ME2: variants seen among roughly 807,000 people sequenced by gnomAD.
ME2 encodes NAD-dependent malic enzyme, mitochondrial.
A neutral mutation model predicts 73.7 loss-of-function variants in ME2; 60 were observed. The ratio of observed to expected loss-of-function variants is 0.81; its 90% CI spans 0.66 to 1.01. ME2 has a LOEUF of 1.01. ME2 is among the 50% of genes least tolerant of loss of function. The probability of loss-of-function intolerance (pLI) is 0.00; values close to 1 mark genes in which losing one functional copy is unlikely to be tolerated. For synonymous variants in ME2, 199 were observed against 236.9 expected (o/e 0.84, Z 1.47); for missense variants, 594 against 705.5 (o/e 0.84, Z 1.79).
chr18:50,885,913 A>C (rs1916451386), intron 1 of ME2, among the ~76,000 whole-genome samples: 1 of 152,164 alleles, frequency 6.6e-6, no homozygotes, highest in Non-Finnish European at 1.5e-5. Flanking sequence ...AAATAGCCTG[A>C]AAAATCTTGC....
chr18:50,928,241 CT>C (rs770494781), intron 12 of ME2, among the ~76,000 whole-genome samples: 19 of 143,160 alleles, frequency 1.3e-4, no homozygotes, highest in South Asian at 2.3e-4. Context: ...CTAATTTGTC[CT>C]TTTTTTTTTC....
chr18:50,902,207 T>A (rs1464228231), intron 2 of ME2, among the ~76,000 whole-genome samples: 2 of 152,190 alleles, frequency 1.3e-5, no homozygotes, highest in Non-Finnish European at 2.9e-5. Flanking sequence ...TCCCTAAGAT[T>A]TAAGGACATG....
intron 1 of ME2, among the ~76,000 whole-genome samples, chr18:50,885,151 A>C (rs1212879516): frequency 2.0e-5 from 3 of 152,156 alleles, no homozygotes; most frequent in Non-Finnish European, 4.4e-5. Context: ...CCACCACGCC[A>C]GGCCCAAAGT....
chr18:50,921,295 T>C (rs1462663324), intron 10 of ME2, 108 bp downstream of exon 10: 4 of 561,760 alleles, frequency 7.1e-6, no homozygotes, highest in Admixed American at 3.8e-5. Context: ...CTCCAAATTA[T>C]ACCAATTGGG....
chr18:50,910,252 T>G (rs1274528649), intron 3 of ME2, among the ~76,000 whole-genome samples: 4 of 73,380 alleles, frequency 5.5e-5, no homozygotes, highest in Admixed American at 3.9e-4. Context: ...GGCAACAGAG[T>G]GGGACCCTGT....
At chr18:50,917,308 T>C in intron 5 of ME2, 39 bp from the exon 6 acceptor site, 3 of 1,562,332 alleles carry the variant, frequency 1.9e-6, no homozygotes, top group Non-Finnish European at 2.6e-6. Context: ...TAGTGCCCCA[T>C]TTTTGACAAC....
At chr18:50,890,273 ATT>A (rs572620839) in intron 1 of ME2, among the ~76,000 whole-genome samples, 1,662 of 152,074 alleles carry the variant, frequency 0.011, 38 homozygotes, top group African/African-American at 0.036. Flanking sequence ...TATTATTATT[ATT>A]TTCTTTTTTT....
Position 50,925,836 on chromosome 18 carries a change from G to A in ME2, c.1252G>A (p.Ala418Thr). 6.2e-7 allele frequency: 1 copy of A among 1,612,532 alleles called. No individual in the cohort carries two copies. Among genetic ancestry groups the A allele is most frequent in the Non-Finnish European group, 8.5e-7 (1 of 1,178,606 alleles). ...TATCAATGAAAGGCCTGTAATATTT[G>A]CATTAAGTAATCCTACAGCACAGGC... Reference protein sequence around the residue: ...ASINERPVIFALSNPTAQAEC... With the variant: ...ASINERPVIFTLSNPTAQAEC... The change falls in exon 12 of 16, where the codon GCA (alanine) becomes ACA (threonine). Residue 418 changes from alanine to threonine, a missense_variant. By Grantham distance (58) the Ala-to-Thr change is moderately conservative. Coordinates refer to ENST00000321341, the MANE Select transcript of ME2 (RefSeq NM_002396.5).
At position 50,920,492 on chromosome 18, in the gene ME2, T is replaced by C. The variant is rs1291120584; in HGVS notation, c.771T>C (p.Phe257=). 4 of 1,601,366 alleles carry C rather than the reference T, an allele frequency of 2.5e-6. No individual in the cohort carries two copies. The African/African-American group carries it at 5.4e-5, about 22-fold the overall frequency. ...ACACACTCATTCAGTTCGAAGACTT[T>C]GGAAATCATAATGCATTCAGGTTCT... is the stretch of plus-strand genomic sequence containing the variant. ...GRNTLIQFED[F]GNHNAFRFLR... Residue 257 remains phenylalanine (F), a synonymous_variant, in exon 8 of 16, where the codon TTT becomes TTC. Coordinates refer to ENST00000321341, the MANE Select transcript of ME2 (RefSeq NM_002396.5).
chr18:50,920,822 G>T, intron 9 of ME2, 64 bp downstream of exon 9: 2 of 1,240,966 alleles, frequency 1.6e-6, no homozygotes, highest in Non-Finnish European at 2.3e-6. Flanking sequence ...AAAATGGGCA[G>T]AATATTGATG....
chr18:50,919,689 A>G (rs1457692299), intron 7 of ME2, among the ~76,000 whole-genome samples: 1 of 152,042 alleles, frequency 6.6e-6, no homozygotes, highest in Non-Finnish European at 1.5e-5. Context: ...CCACACCAAT[A>G]TGAGCTACGT....
intron 2 of ME2, among the ~76,000 whole-genome samples, chr18:50,904,748 G>A (rs1916976752): frequency 6.6e-6 from 1 of 152,046 alleles, no homozygotes; most frequent in African/African-American, 2.4e-5. Context: ...GTATGGTAAT[G>A]CATTTAGACT....
At chr18:50,933,404 A>G (rs1325998753) in intron 13 of ME2, 4 of 152,206 alleles carry the variant, frequency 2.6e-5, no homozygotes, top group South Asian at 2.1e-4. Flanking sequence ...ACTGTTGTCA[A>G]AGTAAAGAGG....
At chr18:50,942,573 T>C (rs1917989650) in intron 15 of ME2, 2 of 226,820 alleles carry the variant, frequency 8.8e-6, no homozygotes, top group East Asian at 1.7e-4. Flanking sequence ...TCTTTACTTA[T>C]TAAGATCTTT....
At position 50,930,460 on chromosome 18, in the gene ME2, C is replaced by A. The variant is rs1218718210; in HGVS notation, c.1315-1798C>A. Among the ~76,000 whole-genome samples, 5 of 152,232 alleles carry A rather than the reference C, an allele frequency of 3.3e-5. No individual in the cohort carries two copies. The East Asian group carries it at 9.6e-4, about 29-fold the overall frequency. On this transcript the variant is annotated intron_variant, in intron 12 of 15. Coordinates refer to ENST00000321341, the MANE Select transcript of ME2 (RefSeq NM_002396.5). ...GAAAAATACTCTAAAAAAAAATCTT[C>A]ATAGTTGAATTGCCAGCTGCTTACA...
chr18:50,922,551 A>G (rs1917452909), intron 10 of ME2, among the ~76,000 whole-genome samples: 1 of 152,200 alleles, frequency 6.6e-6, no homozygotes, highest in Non-Finnish European at 1.5e-5. Flanking sequence ...TTAGTTTGGT[A>G]CTTCTTTTTG....
In ME2 at chr18:50,947,031, A is replaced by G. The variant is rs145623213; in HGVS notation, c.1602A>G (p.Leu534=). The stretch of plus-strand genomic sequence containing the variant: ...TTATTTTTCAGGTTACAGAATACCT[A>G]TATGCTAATAAAATGGCTTTCCGAT... ...INIAIKVTEY[L]YANKMAFRYP... The change falls in exon 16 of 16, where the codon CTA becomes CTG. Residue 534 remains leucine (L), a synonymous_variant. Coordinates refer to ENST00000321341, the MANE Select transcript of ME2 (RefSeq NM_002396.5). 8.0e-4 allele frequency: 1,292 copies of G among 1,612,808 alleles called. 6 individuals are homozygous for G. The East Asian group carries it at 8.9e-3, about 11-fold the overall frequency.
chr18:50,944,003 G>A (rs1343706441), intron 15 of ME2, among the ~76,000 whole-genome samples: 1 of 152,034 alleles, frequency 6.6e-6, no homozygotes, highest in African/African-American at 2.4e-5. Context: ...ATGACTTGAG[G>A]CTGTAAGTTT....
chr18:50,935,233 A>T (rs1044525641), intron 13 of ME2: 2 of 152,196 alleles, frequency 1.3e-5, no homozygotes, highest in African/African-American at 4.8e-5. Context: ...CAACCTAAGT[A>T]GAAAAATAAA....
Sources: allele counts gnomAD v4.1 joint callset (sites outside exome capture counted in the v4.1 genomes callset), GRCh38; gene constraint gnomAD v4.1.1; transcripts MANE v1.5; gene names NCBI Gene and HGNC (gene_info 2026-07-23, HGNC 2026-07-21).